DIS3L2: variants seen among roughly 807,000 people sequenced by gnomAD.
The protein encoded by DIS3L2 is DIS3 like 3'-5' exoribonuclease 2.
DIS3L2 carries 34 observed loss-of-function variants against 97.5 expected under a neutral mutation model. The observed-to-expected ratio is 0.35, with a 90% confidence interval of 0.27 to 0.46. DIS3L2 has a LOEUF of 0.46. Ranked by LOEUF, DIS3L2 falls within the 20% of genes least tolerant of loss-of-function variation. The probability of loss-of-function intolerance (pLI) is 1.00; values close to 1 mark genes in which losing one functional copy is unlikely to be tolerated. For synonymous variants in DIS3L2, 435 were observed against 445.2 expected (o/e 0.98, Z 0.29); for missense variants, 1,038 against 1,146.0 (o/e 0.91, Z 1.36).
Position 232,293,468 on chromosome 2 carries a change from G to A in DIS3L2, c.1660-6572G>A, listed in dbSNP as rs1694651317. Among the ~76,000 whole-genome samples, 1 of 152,152 alleles carries A rather than the reference G, an allele frequency of 6.6e-6. No homozygotes were observed. Among genetic ancestry groups the A allele is most frequent in the Admixed American group, 6.5e-5 (1 of 15,274 alleles). On this transcript the variant is annotated intron_variant, in intron 13 of 20. Transcript: ENST00000325385. The surrounding 1 kb of genome is among the most constrained non-coding windows in gnomAD (Gnocchi z 4.6). The stretch of plus-strand genomic sequence containing the variant: ...GATCAGGGCCACTTTGACAGAGGAG[G>A]GACAGGCAGGAAGGGCTCCCCTGGA...
intron 5 of DIS3L2, among the ~76,000 whole-genome samples, 188 bp downstream of exon 5, chr2:232,030,268 A>G (rs1694770830): frequency 6.6e-6 from 1 of 152,044 alleles, no homozygotes; most frequent in Non-Finnish European, 1.5e-5. Flanking sequence ...CAGATTGCTA[A>G]TTAAATGAGT....
chr2:232,291,504 A>G (rs944099176), intron 13 of DIS3L2, among the ~76,000 whole-genome samples: 8 of 152,244 alleles, frequency 5.3e-5, no homozygotes, highest in African/African-American at 1.9e-4. Flanking sequence ...GGAAGAGTCA[A>G]CCGTGGAGAG....
At chr2:232,220,249 C>CAGTG (rs1692458290) in intron 10 of DIS3L2, among the ~76,000 whole-genome samples, 1 of 151,990 alleles carries the variant, frequency 6.6e-6, no homozygotes, top group South Asian at 2.1e-4. Context: ...TTCAAGCCTG[C>CAGTG]AGTGAGCCAA....
intron 13 of DIS3L2, among the ~76,000 whole-genome samples, chr2:232,299,233 G>A (rs997373658): frequency 6.6e-6 from 1 of 152,216 alleles, no homozygotes; most frequent in Admixed American, 6.5e-5. Context: ...TCCCCTGACT[G>A]TAGTGGCTGC....
intron 6 of DIS3L2, among the ~76,000 whole-genome samples, chr2:232,093,329 G>A (rs1222590316): frequency 6.6e-6 from 1 of 152,104 alleles, no homozygotes; most frequent in Non-Finnish European, 1.5e-5. Context: ...ATATTCATCA[G>A]TGATATTGGC....
chr2:232,040,518 A>C (rs1695080631), intron 5 of DIS3L2, among the ~76,000 whole-genome samples: 1 of 151,334 alleles, frequency 6.6e-6, no homozygotes, highest in Non-Finnish European at 1.5e-5. Flanking sequence ...CATCAAGTTC[A>C]CCTCCCATAA....
rs886067208 is a variant in DIS3L2, at chr2:232,141,003, T to C, written c.950+4284T>C. ...ATTACAACATATTTAGTACCTTTAA[T>C]ATTTAGTACTACACTCTAGTCCAGG... On this transcript the variant is annotated intron_variant, in intron 8 of 20. Transcript: ENST00000325385. Among the ~76,000 whole-genome samples the C allele has an allele frequency of 2.0e-5, 3 of 152,178 alleles. No homozygotes were observed. The South Asian group carries it at 6.2e-4, about 32-fold the overall frequency.
intron 1 of DIS3L2, among the ~76,000 whole-genome samples, chr2:231,996,513 A>C (rs1281674877): frequency 6.6e-6 from 1 of 152,224 alleles, no homozygotes; most frequent in African/African-American, 2.4e-5. Context: ...TGAAGCCTCT[A>C]TTTTGTGGAA....
At position 232,336,661 on chromosome 2, in the gene DIS3L2, G is replaced by T; in HGVS notation, c.*31G>T. The T allele has an allele frequency of 6.5e-7, 1 of 1,545,996 alleles. No individual in the cohort carries two copies. ...ACCAGCCGCCTGCCCCGCCTGCCCC[G>T]CCTGCCTGTCCCGCCACACTGGCTT... On this transcript the variant is annotated 3_prime_UTR_variant, in exon 21 of 21. Coordinates refer to ENST00000325385, the MANE Select transcript of DIS3L2 (RefSeq NM_152383.5).
chr2:232,215,550 T>A (rs1692310421), intron 10 of DIS3L2, among the ~76,000 whole-genome samples: 1 of 152,146 alleles, frequency 6.6e-6, no homozygotes, highest in Non-Finnish European at 1.5e-5. Context: ...ACAGCTTTGT[T>A]CCTGGGAGCC....
intron 4 of DIS3L2, among the ~76,000 whole-genome samples, chr2:232,025,369 C>T (rs1694628234): frequency 6.6e-6 from 1 of 152,070 alleles, no homozygotes; most frequent in East Asian, 1.9e-4. Flanking sequence ...TTTATATGCT[C>T]AAGTGATATT....
At chr2:232,173,624 T>C (rs1691057347) in intron 9 of DIS3L2, among the ~76,000 whole-genome samples, 1 of 152,222 alleles carries the variant, frequency 6.6e-6, no homozygotes, top group South Asian at 2.1e-4. Context: ...GAGGTATGGG[T>C]CAAACTTCAT....
intron 3 of DIS3L2, among the ~76,000 whole-genome samples, chr2:232,019,234 T>G (rs923338622): frequency 6.6e-6 from 1 of 152,180 alleles, no homozygotes; most frequent in Non-Finnish European, 1.5e-5. Flanking sequence ...ATGAACTAGT[T>G]TCTGGGACCT....
Position 232,174,058 on chromosome 2 carries a change from A to G in DIS3L2, c.1124+10426A>G, listed in dbSNP as rs563298383. ...CATCTTAACACTGTTAAGTCTTCCA[A>G]CCTATGAACATGGGATGTCTGTCCA... On this transcript the variant is annotated intron_variant, in intron 9 of 20. Transcript: ENST00000325385. Among the ~76,000 whole-genome samples the G allele has an allele frequency of 4.1e-4, 63 of 152,144 alleles. 1 individual carries two copies. Among genetic ancestry groups the G allele is most frequent in the African/African-American group, 1.1e-3 (47 of 41,492 alleles).
chr2:232,334,089 G>A lies in DIS3L2; in HGVS notation c.2158+102G>A, dbSNP rs1006748831. The A allele has an allele frequency of 2.6e-5, 39 of 1,485,686 alleles. No homozygotes were observed. In the African/African-American group the frequency reaches 2.7e-4, roughly 10 times the overall value. 92.0% of individuals were successfully genotyped at this position (1,485,686 alleles called of 1,614,324 possible). Reference sequence around the variant, plus strand: ...CCCAAGACCATTCTGCCGTGACAGCGGAGGTCCAAGGGTCGGGCGACCCAA... The same window carrying A: ...CCCAAGACCATTCTGCCGTGACAGCAGAGGTCCAAGGGTCGGGCGACCCAA... On this transcript the variant is annotated intron_variant, in intron 17 of 20. Transcript: ENST00000325385.
chr2:232,052,151 T>G (rs1464115000), intron 5 of DIS3L2, among the ~76,000 whole-genome samples: 2 of 152,010 alleles, frequency 1.3e-5, no homozygotes, highest in Non-Finnish European at 2.9e-5. Flanking sequence ...GCCTCCCAAG[T>G]AGCTGGGATT....
At chr2:232,222,373 C>G (rs1192251773) in intron 10 of DIS3L2, among the ~76,000 whole-genome samples, 2 of 152,170 alleles carry the variant, frequency 1.3e-5, no homozygotes, top group African/African-American at 4.8e-5. Context: ...TAGTAGGGCC[C>G]TTGATAATGA....
At chr2:232,288,179 C>T (rs1016795341) in intron 13 of DIS3L2, among the ~76,000 whole-genome samples, 1 of 152,122 alleles carries the variant, frequency 6.6e-6, no homozygotes, top group Non-Finnish European at 1.5e-5. Flanking sequence ...AATATGTTAT[C>T]CAGATATTTG....
At chr2:232,112,797 G>A (rs1029749026) in intron 6 of DIS3L2, among the ~76,000 whole-genome samples, 1 of 152,040 alleles carries the variant, frequency 6.6e-6, no homozygotes, top group African/African-American at 2.4e-5. Context: ...AGAGGAAGGG[G>A]GACAAGGTAA....
Sources: gnomAD v4.1 joint callset for allele counts (sites outside exome capture counted in the v4.1 genomes callset) on GRCh38, gnomAD v4.1.1 for gene constraint, Gnocchi (gnomAD v3.1) non-coding constraint, MANE v1.5 for transcripts, NCBI Gene and HGNC (gene_info 2026-07-23, HGNC 2026-07-21) for gene names.